The following EPHA5 variants were observed in gnomAD, a reference collection of about 807,000 sequenced individuals.
EPHA5 encodes the protein ephrin type-A receptor 5.
Under a neutral mutation model 105.0 loss-of-function variants are expected in EPHA5, and 60 were observed. The ratio of observed to expected loss-of-function variants is 0.57; its 90% confidence interval spans 0.46 to 0.71. The LOEUF is 0.71. Ranked by LOEUF, EPHA5 falls within the 30% of genes least tolerant of loss-of-function variation. The probability of loss-of-function intolerance (pLI) is 0.00; values close to 1 mark genes in which losing one functional copy is unlikely to be tolerated. For synonymous variants in EPHA5, 513 were observed against 449.1 expected, an observed-to-expected ratio of 1.14 and a Z score of -1.80; for missense variants, 1,218 against 1,274.7, an observed-to-expected ratio of 0.96 and a Z score of 0.68.
At chr4:65,497,856 A>C (rs1181444785) in intron 3 of EPHA5, among the ~76,000 whole-genome samples, 2 of 152,030 alleles carry the variant, frequency 1.3e-5, no homozygotes, top group Non-Finnish European at 2.9e-5. Flanking sequence ...TGTTTTCAGC[A>C]GGTATAGTGG....
At chr4:65,393,376 G>T (rs1252205262) in intron 8 of EPHA5, among the ~76,000 whole-genome samples, 1 of 152,124 alleles carries the variant, frequency 6.6e-6, no homozygotes, top group African/African-American at 2.4e-5. Flanking sequence ...GTAACAGCCT[G>T]TGCCATTTCA....
chr4:65,488,946 C>T (rs1353329652), intron 5 of EPHA5, among the ~76,000 whole-genome samples: 5 of 135,178 alleles, frequency 3.7e-5, no homozygotes, highest in Non-Finnish European at 7.6e-5. Context: ...AGCTCAGTGG[C>T]GCGATCTCGG....
chr4:65,499,202 G>A (rs144627022), intron 3 of EPHA5, among the ~76,000 whole-genome samples: 10 of 151,590 alleles, frequency 6.6e-5, no homozygotes, highest in African/African-American at 2.2e-4. Flanking sequence ...AAACCTATAT[G>A]TCATGGTACC....
intron 3 of EPHA5, among the ~76,000 whole-genome samples, chr4:65,517,440 A>G (rs1734214151): frequency 6.6e-6 from 1 of 151,902 alleles, no homozygotes; most frequent in Admixed American, 6.6e-5. Flanking sequence ...TTTTATTCAG[A>G]ATAAATTTGA....
At chr4:65,408,242 T>C (rs776602357) in intron 7 of EPHA5, among the ~76,000 whole-genome samples, 15 of 152,224 alleles carry the variant, frequency 9.9e-5, no homozygotes, top group African/African-American at 3.1e-4. Context: ...GAAAAAAATA[T>C]TTAGGTCAAG....
intron 5 of EPHA5, among the ~76,000 whole-genome samples, chr4:65,478,196 T>C (rs1263617738): frequency 6.6e-6 from 1 of 152,174 alleles, no homozygotes; most frequent in Non-Finnish European, 1.5e-5. Flanking sequence ...GAAAAGATTT[T>C]TGTTGGCAGC....
At chr4:65,336,254 G>A in intron 14 of EPHA5, 129 bp from the exon 15 acceptor site, 1 of 556,396 alleles carries the variant, frequency 1.8e-6, no homozygotes, top group Non-Finnish European at 2.8e-6. Context: ...TAGCATTACT[G>A]TCTTTAAAAT....
At chr4:65,528,039 T>C (rs939923977) in intron 3 of EPHA5, among the ~76,000 whole-genome samples, 15 of 152,186 alleles carry the variant, frequency 9.9e-5, no homozygotes, top group African/African-American at 3.6e-4. Context: ...CATTTTGTTT[T>C]ATTATAGGGC....
At chr4:65,405,151 A>G (rs947626560) in intron 7 of EPHA5, among the ~76,000 whole-genome samples, 2 of 152,214 alleles carry the variant, frequency 1.3e-5, no homozygotes, top group African/African-American at 4.8e-5. Context: ...ACATAGATTT[A>G]GATGAAACAT....
At chr4:65,394,461 C>T (rs546491205) in intron 8 of EPHA5, among the ~76,000 whole-genome samples, 39 of 152,218 alleles carry the variant, frequency 2.6e-4, no homozygotes, top group Middle Eastern at 3.4e-3. Context: ...AAAAAAGTCA[C>T]AGATAAAAAT....
intron 3 of EPHA5, among the ~76,000 whole-genome samples, chr4:65,507,893 A>C (rs1733221202): frequency 6.6e-6 from 1 of 152,056 alleles, no homozygotes; most frequent in South Asian, 2.1e-4. Context: ...TACAACATAT[A>C]TTATTTTCTC....
At chr4:65,471,279 C>A (rs1001929040) in intron 5 of EPHA5, among the ~76,000 whole-genome samples, 4 of 152,108 alleles carry the variant, frequency 2.6e-5, no homozygotes, top group Admixed American at 6.6e-5. Context: ...CTGATGGATA[C>A]CAATGCCAAC....
intron 7 of EPHA5, among the ~76,000 whole-genome samples, chr4:65,406,899 G>T (rs1049832221): frequency 1.3e-5 from 2 of 151,622 alleles, no homozygotes; most frequent in Admixed American, 1.3e-4. Context: ...TCTCTTTCTG[G>T]TTTCTTTGAA....
chr4:65,570,094 A>C (rs916784476), intron 3 of EPHA5, among the ~76,000 whole-genome samples: 1 of 151,766 alleles, frequency 6.6e-6, no homozygotes, highest in African/African-American at 2.4e-5. Flanking sequence ...ATCACTGGGC[A>C]ACTTAGTAAT....
In EPHA5 at chr4:65,345,313, G is replaced by A. The variant is rs554951201; in HGVS notation, c.2595+2741C>T. On this transcript the variant is annotated intron_variant, in intron 14 of 16. Transcript: ENST00000613740. Reference sequence around the variant, plus strand: ...AAGAAGGGGAGACTCATTGTCATCCGGTGTGCTTGCTGAGAAGCAGAAATC... The same window carrying A: ...AAGAAGGGGAGACTCATTGTCATCCAGTGTGCTTGCTGAGAAGCAGAAATC... Among the ~76,000 whole-genome samples the A allele has an allele frequency of 2.0e-5, 3 of 152,276 alleles. No homozygotes were observed. The East Asian group carries it at 5.8e-4, about 29-fold the overall frequency.
At chr4:65,455,813 T>C (rs1372854635) in intron 5 of EPHA5, among the ~76,000 whole-genome samples, 1 of 152,166 alleles carries the variant, frequency 6.6e-6, no homozygotes, top group African/African-American at 2.4e-5. Flanking sequence ...TTAGAATGAA[T>C]TTAAATACAA....
At chr4:65,357,833 GT>G (rs1723450858) in intron 11 of EPHA5, among the ~76,000 whole-genome samples, 1 of 151,398 alleles carries the variant, frequency 6.6e-6, no homozygotes, top group African/African-American at 2.4e-5. Context: ...GTGTGTGTAT[GT>G]TTTTTCTACA....
At chr4:65,474,106 C>G (rs2149169124) in intron 5 of EPHA5, among the ~76,000 whole-genome samples, 1 of 151,904 alleles carries the variant, frequency 6.6e-6, no homozygotes, top group Non-Finnish European at 1.5e-5. Context: ...ACCAACATGG[C>G]ACATGTATAC....
intron 3 of EPHA5, among the ~76,000 whole-genome samples, chr4:65,509,688 A>G (rs924171623): frequency 6.6e-6 from 1 of 152,192 alleles, no homozygotes; most frequent in Non-Finnish European, 1.5e-5. Context: ...ACCCTATGAC[A>G]AAGCAGTAAT....
Sources: allele counts gnomAD v4.1 joint callset (sites outside exome capture counted in the v4.1 genomes callset), GRCh38; gene constraint gnomAD v4.1.1; transcripts MANE v1.5; gene names NCBI Gene and HGNC (gene_info 2026-07-23, HGNC 2026-07-21).